The following MS4A14 variants were observed in gnomAD, a reference collection of about 807,000 sequenced individuals.
MS4A14 encodes the protein membrane-spanning 4-domains subfamily A member 14.
MS4A14 carries 18 observed loss-of-function variants against 16.7 expected under a neutral mutation model. The observed-to-expected ratio is 1.08, with a 90% CI of 0.75 to 1.60. The LOEUF is 1.60. MS4A14 is among the 40% of genes most tolerant of loss of function. MS4A14 has a pLI of 0.00. For missense variants in MS4A14, 812 were observed against 775.3 expected, an observed-to-expected ratio of 1.05 and a Z score of -0.56; for synonymous variants, 305 against 289.4, an observed-to-expected ratio of 1.05 and a Z score of -0.55.
At chr11:60,415,345 T>C (rs2085922066) in intron 4 of MS4A14, 92 bp from the exon 5 acceptor site, 2 of 1,379,220 alleles carry the variant, frequency 1.5e-6, no homozygotes, top group Admixed American at 4.7e-5. Context: ...CTATCTACTG[T>C]CTTAAGTCAG....
At chr11:60,401,777 A>C (rs918111432) in intron 3 of MS4A14, among the ~76,000 whole-genome samples, 1 of 152,212 alleles carries the variant, frequency 6.6e-6, no homozygotes, top group Non-Finnish European at 1.5e-5. Context: ...ATGGGAGCCA[A>C]AATAGAGCCT....
intron 1 of MS4A14, among the ~76,000 whole-genome samples, chr11:60,397,305 G>A (rs927808271): frequency 1.3e-5 from 2 of 152,108 alleles, no homozygotes; most frequent in Admixed American, 1.3e-4. Context: ...CTCATCCCTA[G>A]TTGGGTCCAT....
At chr11:60,414,054 A>G (rs1463369948) in intron 4 of MS4A14, among the ~76,000 whole-genome samples, 1 of 152,124 alleles carries the variant, frequency 6.6e-6, no homozygotes, top group African/African-American at 2.4e-5. Flanking sequence ...TGTCATACCA[A>G]TTTTTGTGAT....
At chr11:60,409,803 CTTCT>C (rs144889475) in intron 4 of MS4A14, among the ~76,000 whole-genome samples, 426 of 145,906 alleles carry the variant, frequency 2.9e-3, no homozygotes, top group African/African-American at 9.1e-3. Flanking sequence ...TCCTTCTTTC[CTTCT>C]TTCTTTCTTT....
Position 60,415,822 on chromosome 11 carries a change from A to G in MS4A14, c.854A>G (p.Gln285Arg). The G allele has an allele frequency of 6.2e-7, 1 of 1,613,976 alleles. No homozygotes were observed. Among genetic ancestry groups the G allele is most frequent in the Non-Finnish European group, 8.5e-7 (1 of 1,179,926 alleles). ...GAAGATCTACAATCTGCTATTGTAC[A>G]ACCTTCTCAAATGCAAACCAAGCTT... Reference protein sequence around the residue: ...KDEDLQSAIVQPSQMQTKLLQ... With the variant: ...KDEDLQSAIVRPSQMQTKLLQ... The change falls in exon 5 of 5, where the codon CAA becomes CGA. Residue 285 changes from glutamine to arginine, a missense_variant. By Grantham distance (43) the Gln-to-Arg change is conservative. Transcript: ENST00000300187.
chr11:60,408,543 G>A (rs2085822154), intron 4 of MS4A14, among the ~76,000 whole-genome samples: 1 of 152,084 alleles, frequency 6.6e-6, no homozygotes, highest in African/African-American at 2.4e-5. Context: ...CCTCATATAA[G>A]TGGAATCTTA....
At position 60,417,104 on chromosome 11, in the gene MS4A14, A is replaced by G; in HGVS notation, c.*96A>G. ...GGATCTATTAGAGAAAGAAGCCCTA[A>G]AGCAGAAAGCTCTATACCAAGAAGT... On this transcript the variant is annotated 3_prime_UTR_variant, in exon 5 of 5. Transcript: ENST00000300187. 1 of 1,448,928 alleles carries G rather than the reference A, an allele frequency of 6.9e-7. No individual in the cohort carries two copies. The allele number at this position is 1,448,928 out of a possible 1,614,324, so 89.8% of individuals were successfully genotyped here. A position where few individuals can be genotyped will look rare whatever the true frequency, so the allele number is the denominator to read the frequency against.
intron 4 of MS4A14, among the ~76,000 whole-genome samples, chr11:60,411,176 G>A (rs1200916029): frequency 1.3e-5 from 2 of 152,164 alleles, no homozygotes; most frequent in African/African-American, 2.4e-5. Context: ...TAGCTTTACA[G>A]TACGTTTCAA....
chr11:60,413,766 G>GT (rs1341432578), intron 4 of MS4A14, among the ~76,000 whole-genome samples: 1 of 152,072 alleles, frequency 6.6e-6, no homozygotes, highest in African/African-American at 2.4e-5. Flanking sequence ...GAAAGGGAAA[G>GT]TGAACTCTAC....
chr11:60,406,035 C>CT, intron 4 of MS4A14: 4 of 1,204,764 alleles, frequency 3.3e-6, no homozygotes, highest in Non-Finnish European at 4.4e-6. Context: ...GGTTCCTGTT[C>CT]CTGTTGGGAT....
intron 4 of MS4A14, among the ~76,000 whole-genome samples, chr11:60,412,973 T>C (rs1384244477): frequency 6.6e-6 from 1 of 151,988 alleles, no homozygotes; most frequent in Non-Finnish European, 1.5e-5. Context: ...TTCTGATCCA[T>C]GTCCATGAAA....
At chr11:60,398,163 T>G (rs2085658473) in intron 2 of MS4A14, 183 bp downstream of exon 2, 11 of 513,680 alleles carry the variant, frequency 2.1e-5, no homozygotes. Context: ...TTGTAATAAC[T>G]ACTCTCAGGT....
intron 4 of MS4A14, among the ~76,000 whole-genome samples, chr11:60,413,137 A>C (rs796161072): frequency 1.7e-4 from 26 of 151,874 alleles, no homozygotes; most frequent in African/African-American, 4.6e-4. Context: ...TATTTTTTAA[A>C]TGTTCATTCC....
At position 60,415,939 on chromosome 11, in the gene MS4A14, C is replaced by T. The variant is rs139364741; in HGVS notation, c.971C>T (p.Ala324Val). The T allele has an allele frequency of 6.5e-5, 105 of 1,613,980 alleles. No individual in the cohort carries two copies. The African/African-American group carries it at 1.2e-3, about 18-fold the overall frequency. The stretch of plus-strand genomic sequence containing the variant: ...TCACCTGAAGACTTGCCATCCCAAG[C>T]TCTACCAGTAGAAGGCCTGTCAGAA... ...DISPEDLPSQ[A>V]LPVEGLSEQT... Residue 324 changes from alanine (A) to valine (V), a missense_variant, in exon 5 of 5, where the codon GCT becomes GTT. Physicochemically the swap from Ala to Val is moderately conservative, Grantham distance 64. Coordinates refer to ENST00000300187, the MANE Select transcript of MS4A14 (RefSeq NM_032597.5).
In MS4A14 at chr11:60,416,758, C is replaced by T. The variant is rs2135158796; in HGVS notation, c.1790C>T (p.Ser597Leu). The change falls in exon 5 of 5, where the codon TCA becomes TTA. Residue 597 changes from serine (S) to leucine (L), a missense_variant. By Grantham distance (145) the Ser-to-Leu change is moderately radical. Coordinates refer to ENST00000300187, the MANE Select transcript of MS4A14 (RefSeq NM_032597.5). The stretch of plus-strand genomic sequence containing the variant: ...CAGCAGACTGATAAGGAGCAAAACT[C>T]AAAGAAGCAAACCCAGGATCAGCAA... ...KDQQTDKEQN[S>L]KKQTQDQQTE... The T allele has an allele frequency of 6.2e-7, 1 of 1,613,386 alleles. No individual in the cohort carries two copies. The highest frequency in any genetic ancestry group is 2.2e-5 in the East Asian group (1 of 44,766).
chr11:60,399,499 G>A (rs888359922), intron 2 of MS4A14, among the ~76,000 whole-genome samples: 2 of 152,216 alleles, frequency 1.3e-5, no homozygotes, highest in Admixed American at 1.3e-4. Flanking sequence ...GAACTTCAAT[G>A]TGAAAGCATG....
At chr11:60,397,676 G>T (rs1432809217) in intron 1 of MS4A14, among the ~76,000 whole-genome samples, 176 bp from the exon 2 acceptor site, 1 of 152,116 alleles carries the variant, frequency 6.6e-6, no homozygotes, top group Non-Finnish European at 1.5e-5. Flanking sequence ...AAGCAAAGTG[G>T]GAAGGAAACA....
chr11:60,415,452 C>T lies in MS4A14; in HGVS notation c.484C>T (p.Pro162Ser). Residue 162 changes from proline to serine, a missense_variant, in exon 5 of 5, where the codon CCT (proline) becomes TCT (serine). By Grantham distance (74) the Pro-to-Ser change is moderately conservative. Transcript: ENST00000300187. ...RTLFIVLFFL[P>S]SDVTQNSEQP... ...GCTTTTATAGGTTCTGTTTTTCTTGCCTTCGGATGTTACTCAAAATAGTGA... is the reference window on the plus strand; with the variant it reads ...GCTTTTATAGGTTCTGTTTTTCTTGTCTTCGGATGTTACTCAAAATAGTGA... 6.2e-7 allele frequency: 1 copy of T among 1,604,962 alleles called. No individual in the cohort carries two copies. The highest frequency in any genetic ancestry group is 8.5e-7 in the Non-Finnish European group (1 of 1,176,492).
chr11:60,396,942 A>G (rs907514489), intron 1 of MS4A14, among the ~76,000 whole-genome samples: 11 of 152,192 alleles, frequency 7.2e-5, no homozygotes, highest in Non-Finnish European at 1.5e-4. Context: ...AAGTGACTTC[A>G]GGGTGTGGTG....
Sources: gnomAD v4.1 joint callset for allele counts (sites outside exome capture counted in the v4.1 genomes callset) on GRCh38, gnomAD v4.1.1 for gene constraint, MANE v1.5 for transcripts, NCBI Gene and HGNC (gene_info 2026-07-23, HGNC 2026-07-21) for gene names.